Variants in CDIP1 observed in about 807,000 individuals in gnomAD.
The protein encoded by CDIP1 is cell death-inducing p53-target protein 1.
Under a neutral mutation model 17.7 loss-of-function variants are expected in CDIP1, and 9 were observed. The ratio of observed to expected loss-of-function variants is 0.51; its 90% CI spans 0.31 to 0.89. CDIP1 has a LOEUF of 0.89. Among genes scored for constraint, CDIP1 ranks in the 40% least tolerant of loss-of-function variants. The pLI, the probability that CDIP1 is intolerant of heterozygous loss-of-function variation, is 0.05. For missense variants in CDIP1, 263 were observed against 277.9 expected (o/e 0.95, Z 0.38); for synonymous variants, 117 against 109.5 (o/e 1.07, Z -0.43).
chr16:4,518,493 T>G (rs969497935), intron 1 of CDIP1, among the ~76,000 whole-genome samples: 4 of 152,166 alleles, frequency 2.6e-5, no homozygotes, highest in Non-Finnish European at 5.9e-5. Context: ...CAGGGCCCTG[T>G]TGCTCCTCCG....
rs1000656835 is a variant in CDIP1 at position 4,512,751 on chromosome 16, C to T, written c.515+40G>A. ...AGGAGGCAGAGGCAGCCAGTTGACCCTGGTGCAGCCCCCACCCTACCAGTG... is the reference window on the plus strand; with the variant it reads ...AGGAGGCAGAGGCAGCCAGTTGACCTTGGTGCAGCCCCCACCCTACCAGTG... On this transcript the variant is annotated intron_variant, in intron 5 of 5. Transcript: ENST00000567695. This position sits in a 1 kb window ranked among gnomAD's most constrained non-coding sequence, Gnocchi z 4.6. 1.2e-6 allele frequency: 2 copies of T among 1,601,072 alleles called. No homozygotes were observed. The highest frequency in any genetic ancestry group is 8.5e-7 in the Non-Finnish European group (1 of 1,172,444).
At position 4,512,696 on chromosome 16, in the gene CDIP1, CAG is replaced by C. The variant is rs779836403; in HGVS notation, c.516-15_516-14del. On this transcript the variant is annotated splice_polypyrimidine_tract_variant and intron_variant, in intron 5 of 5. Coordinates refer to ENST00000567695, the MANE Select transcript of CDIP1 (RefSeq NM_013399.3). This position sits in a 1 kb window ranked among gnomAD's most constrained non-coding sequence, Gnocchi z 4.6. ...GCCCAGATCACATCTGAATCAGAGA[CAG>C]GGAAGAACAGGCTGAGGCCTGCTGC... The C allele has an allele frequency of 3.7e-6, 6 of 1,609,978 alleles. No homozygotes were observed. The East Asian group carries it at 6.7e-5, about 18-fold the overall frequency.
chr16:4,518,874 C>T (rs2058915402), intron 1 of CDIP1, among the ~76,000 whole-genome samples: 1 of 152,182 alleles, frequency 6.6e-6, no homozygotes, highest in African/African-American at 2.4e-5. Context: ...AGCCCCAGCA[C>T]CTCTGCTGTG....
intron 1 of CDIP1, among the ~76,000 whole-genome samples, chr16:4,525,322 T>G (rs2058988632): frequency 6.6e-6 from 1 of 152,072 alleles, no homozygotes; most frequent in Admixed American, 6.6e-5. Context: ...GCTGGTTGCC[T>G]TGGAGCGAGG....
Position 4,524,017 on chromosome 16 carries a change from C to G in CDIP1, c.-104-9353G>C, listed in dbSNP as rs577308695. Reference sequence around the variant, plus strand: ...ACCATTCAGCCTTGTTGCATTGTGGCACTTGGAAACAAAGACAGCGGTCTT... The same window carrying G: ...ACCATTCAGCCTTGTTGCATTGTGGGACTTGGAAACAAAGACAGCGGTCTT... On this transcript the variant is annotated intron_variant, in intron 1 of 5. Transcript: ENST00000567695. 6.6e-5 allele frequency: 10 copies of G among 152,340 alleles called. No individual in the cohort carries two copies. The East Asian group carries it at 1.9e-3, about 29-fold the overall frequency. 9.4% of individuals were successfully genotyped at this position (152,340 alleles called of 1,614,324 possible).
In CDIP1 at chr16:4,513,093, A is replaced by G; in HGVS notation, c.242-29T>C. The G allele has an allele frequency of 1.3e-6, 2 of 1,553,678 alleles. No individual in the cohort carries two copies. The highest frequency in any genetic ancestry group is 1.7e-6 in the Non-Finnish European group (2 of 1,157,742). On this transcript the variant is annotated intron_variant, in intron 4 of 5. Transcript: ENST00000567695. This position sits in a 1 kb window ranked among gnomAD's most constrained non-coding sequence, Gnocchi z 4.1. The stretch of plus-strand genomic sequence containing the variant: ...GAATGGCACAGAAGATGGAGGCGAG[A>G]GGTCACTGGCCTGCCACCTGCACCA...
intron 1 of CDIP1, among the ~76,000 whole-genome samples, chr16:4,530,385 C>G (rs1289342968): frequency 1.3e-5 from 2 of 152,188 alleles, no homozygotes; most frequent in Non-Finnish European, 2.9e-5. Flanking sequence ...TGCAGTGGCT[C>G]ACGCCTGTAA....
At chr16:4,526,745 A>ATAAAAT (rs2059005286) in intron 1 of CDIP1, among the ~76,000 whole-genome samples, 1 of 151,004 alleles carries the variant, frequency 6.6e-6, no homozygotes, top group African/African-American at 2.4e-5. Flanking sequence ...TAAAATAAAA[A>ATAAAAT]TAAAATTAAA....
Position 4,511,230 on chromosome 16 carries a change from G to C in CDIP1, c.*1342C>G, listed in dbSNP as rs1453995386. 1 of 152,606 alleles carries C rather than the reference G, an allele frequency of 6.6e-6. No individual in the cohort carries two copies. The highest frequency in any genetic ancestry group is 1.5e-5 in the Non-Finnish European group (1 of 68,130). 9.5% of individuals were successfully genotyped at this position (152,606 alleles called of 1,614,324 possible). A position where few individuals can be genotyped will look rare whatever the true frequency, so the allele number is the denominator to read the frequency against. ...AGCACTGAGGGTGTGAGACCCTGAG[G>C]ACTCAGCCTCCCGTCCTGCCAGTAG... On this transcript the variant is annotated 3_prime_UTR_variant, in exon 6 of 6. Coordinates refer to ENST00000567695, the MANE Select transcript of CDIP1 (RefSeq NM_013399.3).
rs1474204156 is a variant in CDIP1 at position 4,513,445 on chromosome 16, C to T, written c.241+251G>A. ...CACCCCTCTCCTGCACACAAGGCGC[C>T]CCTCCCCACCCATGTCAGGTCCTGG... On this transcript the variant is annotated intron_variant, in intron 4 of 5. Coordinates refer to ENST00000567695, the MANE Select transcript of CDIP1 (RefSeq NM_013399.3). This position sits in a 1 kb window ranked among gnomAD's most constrained non-coding sequence, Gnocchi z 4.1. Among the ~76,000 whole-genome samples the T allele has an allele frequency of 6.6e-6, 1 of 152,144 alleles. No individual in the cohort carries two copies. The highest frequency in any genetic ancestry group is 2.4e-5 in the African/African-American group (1 of 41,438).
chr16:4,515,118 C>G (rs895774049), intron 1 of CDIP1: 1 of 152,210 alleles, frequency 6.6e-6, no homozygotes, highest in African/African-American at 2.4e-5. Flanking sequence ...TCATAAAGGA[C>G]TTGGGAAGTG....
Position 4,512,921 on chromosome 16 carries a change from G to A in CDIP1, c.385C>T (p.Gln129Ter). ...SGAATTVTVL[Q>*]GEIFEGAPVQ... Reference sequence around the variant, plus strand: ...GGCGCTCCCTCAAAGATCTCTCCCTGCAGCACTGTCACCGTGGTGGCAGCT... The same window carrying A: ...GGCGCTCCCTCAAAGATCTCTCCCTACAGCACTGTCACCGTGGTGGCAGCT... The change falls in exon 5 of 6, where the codon CAG becomes TAG. Residue 129 changes from glutamine (Q) to a stop codon, truncating the protein, a stop_gained. Coordinates refer to ENST00000567695, the MANE Select transcript of CDIP1 (RefSeq NM_013399.3). LOFTEE classifies it high-confidence loss of function. This position sits in a 1 kb window ranked among gnomAD's most constrained non-coding sequence, Gnocchi z 4.6. 1 of 1,578,010 alleles carries A rather than the reference G, an allele frequency of 6.3e-7. No individual in the cohort carries two copies. Among genetic ancestry groups the A allele is most frequent in the Non-Finnish European group, 8.6e-7 (1 of 1,161,976 alleles).
intron 1 of CDIP1, among the ~76,000 whole-genome samples, chr16:4,526,356 G>C (rs2059000597): frequency 6.6e-6 from 1 of 151,310 alleles, no homozygotes; most frequent in South Asian, 2.1e-4. Flanking sequence ...AGTGAGCCGA[G>C]ATCACACCGT....
In CDIP1 at chr16:4,512,978, C is replaced by T. The variant is rs1344549430; in HGVS notation, c.328G>A (p.Gly110Ser). ...YTPGPYPGPG[G>S]HTATVLVPSG... ...GGGACCAGGACTGTGGCTGTGTGGCCCCCAGGGCCAGGGTAGGGCCCTGGC... is the reference window on the plus strand; with the variant it reads ...GGGACCAGGACTGTGGCTGTGTGGCTCCCAGGGCCAGGGTAGGGCCCTGGC... The change falls in exon 5 of 6, where the codon GGC (glycine) becomes AGC (serine). Residue 110 changes from glycine (G) to serine (S), a missense_variant. Transcript: ENST00000567695. This position sits in a 1 kb window ranked among gnomAD's most constrained non-coding sequence, Gnocchi z 4.6. 6.3e-7 allele frequency: 1 copy of T among 1,589,290 alleles called. No homozygotes were observed. Among genetic ancestry groups the T allele is most frequent in the African/African-American group, 1.3e-5 (1 of 74,880 alleles).
chr16:4,523,404 C>T (rs1253090104), intron 1 of CDIP1, among the ~76,000 whole-genome samples: 1 of 152,116 alleles, frequency 6.6e-6, no homozygotes, highest in Non-Finnish European at 1.5e-5. Context: ...ATCCCAGCTA[C>T]TTAGGAGGCT....
intron 1 of CDIP1, among the ~76,000 whole-genome samples, chr16:4,518,690 T>C (rs1001169787): frequency 2.0e-5 from 3 of 152,256 alleles, no homozygotes; most frequent in African/African-American, 7.2e-5. Context: ...ATTCTCCCAG[T>C]GCCTTCCAAT....
chr16:4,522,443 G>C (rs572505556), intron 1 of CDIP1: 4 of 152,268 alleles, frequency 2.6e-5, no homozygotes, highest in Admixed American at 2.0e-4. Context: ...GCGTCAGGAC[G>C]CCAGCTGGCC....
intron 1 of CDIP1, among the ~76,000 whole-genome samples, chr16:4,520,013 C>T (rs1234595371): frequency 5.3e-5 from 8 of 152,136 alleles, no homozygotes. Context: ...GCCTCCAGAA[C>T]TGTAAGGAGA....
chr16:4,527,509 T>C (rs1327795531), intron 1 of CDIP1, among the ~76,000 whole-genome samples: 1 of 152,112 alleles, frequency 6.6e-6, no homozygotes, highest in African/African-American at 2.4e-5. Flanking sequence ...GCAATTTATA[T>C]CATGCTGAAT....
Sources: allele counts gnomAD v4.1 joint callset (sites outside exome capture counted in the v4.1 genomes callset), GRCh38; gene constraint gnomAD v4.1.1; non-coding constraint Gnocchi (gnomAD v3.1); transcripts MANE v1.5; gene names NCBI Gene and HGNC (gene_info 2026-07-23, HGNC 2026-07-21).